Variants in SGCD observed in about 807,000 individuals in gnomAD.
The protein encoded by SGCD is delta-sarcoglycan.
A neutral mutation model predicts 36.6 loss-of-function variants in SGCD; 18 were observed. The ratio of observed to expected loss-of-function variants is 0.49; its 90% CI spans 0.34 to 0.73. The LOEUF (loss-of-function observed/expected upper bound fraction) is 0.73, where lower values mean the gene tolerates loss of function less well. SGCD is among the 30% of genes least tolerant of loss of function. The pLI is 0.01. For synonymous variants in SGCD, 133 were observed against 130.6 expected (o/e 1.02, Z -0.12); for missense variants, 387 against 346.7 (o/e 1.12, Z -0.92).
intron 3 of SGCD, among the ~76,000 whole-genome samples, chr5:156,479,987 G>A (rs752763804): frequency 2.0e-5 from 3 of 152,194 alleles, no homozygotes; most frequent in Non-Finnish European, 4.4e-5. Context: ...AGCCCCTGTG[G>A]GTGGAAGATC....
At chr5:156,254,669 C>CGA (rs1414737391) in intron 3 of SGCD, among the ~76,000 whole-genome samples, 7 of 151,902 alleles carry the variant, frequency 4.6e-5, no homozygotes, top group Non-Finnish European at 1.0e-4. Flanking sequence ...GGCAACATAG[C>CGA]GAGACTCCAT....
At chr5:156,131,747 C>T (rs1488267689) in intron 3 of SGCD, among the ~76,000 whole-genome samples, 9 of 152,246 alleles carry the variant, frequency 5.9e-5, no homozygotes, top group African/African-American at 1.7e-4. Context: ...GAAAAATTGT[C>T]ATTAAATATA....
At chr5:156,192,413 TA>T (rs1229535470) in intron 3 of SGCD, among the ~76,000 whole-genome samples, 3 of 152,070 alleles carry the variant, frequency 2.0e-5, no homozygotes, top group African/African-American at 7.2e-5. Flanking sequence ...ATGTGAGAGC[TA>T]AAAAAGTTGA....
the SGCD span, among the ~76,000 whole-genome samples, chr5:155,740,240 A>G: frequency 1.3e-5 from 2 of 152,218 alleles, no homozygotes; most frequent in African/African-American, 4.8e-5. Context: ...CTGGGACTAC[A>G]GACAGAAGCC....
intron 3 of SGCD, among the ~76,000 whole-genome samples, chr5:156,135,487 T>G (rs1450085075): frequency 1.3e-5 from 2 of 152,196 alleles, no homozygotes; most frequent in Non-Finnish European, 2.9e-5. Context: ...AGCTGTAGAA[T>G]CCTTCCAACA....
intron 1 of SGCD, among the ~76,000 whole-genome samples, chr5:155,877,283 A>G (rs1017431235): frequency 1.3e-5 from 2 of 152,244 alleles, no homozygotes; most frequent in Non-Finnish European, 2.9e-5. Flanking sequence ...CTGAATTCCC[A>G]GGCATGGTCG....
At chr5:155,752,939 T>C in the SGCD span, among the ~76,000 whole-genome samples, 1 of 152,166 alleles carries the variant, frequency 6.6e-6, no homozygotes, top group Non-Finnish European at 1.5e-5. Context: ...TAGAGTGTGG[T>C]ACTATGATTT....
intron 3 of SGCD, among the ~76,000 whole-genome samples, chr5:156,453,995 T>C (rs1184932322): frequency 6.6e-6 from 1 of 152,202 alleles, no homozygotes; most frequent in Non-Finnish European, 1.5e-5. Flanking sequence ...ATGAAGAATC[T>C]GTTGGAGTTA....
intron 3 of SGCD, among the ~76,000 whole-genome samples, chr5:156,206,005 T>TA (rs1350162813): frequency 6.9e-6 from 1 of 144,946 alleles, no homozygotes; most frequent in African/African-American, 2.5e-5. Flanking sequence ...TATATATATA[T>TA]TATATATTAT....
chr5:156,545,467 C>T (rs900867805), intron 4 of SGCD, among the ~76,000 whole-genome samples: 24 of 150,426 alleles, frequency 1.6e-4, no homozygotes, highest in East Asian at 5.9e-4. Context: ...TTTTCATGGA[C>T]GGGAGTCGGG....
At chr5:156,487,785 C>A (rs1755743882) in intron 3 of SGCD, among the ~76,000 whole-genome samples, 2 of 13,564 alleles carry the variant, frequency 1.5e-4, no homozygotes, top group Non-Finnish European at 2.8e-4. Flanking sequence ...GAGACTCTGT[C>A]ACCAAAAAAA....
chr5:155,921,151 A>G (rs1385817509), intron 1 of SGCD, among the ~76,000 whole-genome samples: 1 of 152,060 alleles, frequency 6.6e-6, no homozygotes, highest in Non-Finnish European at 1.5e-5. Context: ...AAGGAGGGAG[A>G]GCATATTAAC....
At chr5:156,608,168 C>G (rs1408184534) in intron 6 of SGCD, among the ~76,000 whole-genome samples, 5 of 152,134 alleles carry the variant, frequency 3.3e-5, no homozygotes, top group African/African-American at 1.2e-4. Flanking sequence ...CCTGCTTTCT[C>G]TTGTGGGCAT....
the SGCD span, among the ~76,000 whole-genome samples, chr5:155,730,745 T>G: frequency 6.6e-6 from 1 of 152,186 alleles, no homozygotes; most frequent in Non-Finnish European, 1.5e-5. Flanking sequence ...CTTGCCCCAG[T>G]GGCTTTCCCT....
At chr5:156,581,231 CTGCAGAACAGCAAATAT>C (rs1291845725) in intron 4 of SGCD, among the ~76,000 whole-genome samples, 3 of 152,222 alleles carry the variant, frequency 2.0e-5, no homozygotes, top group Non-Finnish European at 4.4e-5. Context: ...CCAGCGGAGG[CTGCAGAACAGCAAATAT>C]TGCAGAACAG....
chr5:156,689,373 C>T (rs985021721), intron 7 of SGCD, among the ~76,000 whole-genome samples: 20 of 151,994 alleles, frequency 1.3e-4, no homozygotes, highest in African/African-American at 4.4e-4. Context: ...ATGGAATTCC[C>T]GAAGATCTCA....
chr5:156,370,980 GA>G (rs927187850), intron 3 of SGCD, among the ~76,000 whole-genome samples: 21 of 149,256 alleles, frequency 1.4e-4, no homozygotes, highest in East Asian at 3.9e-4. Flanking sequence ...CTGGAAGGGG[GA>G]AAAAAAAACA....
rs553532108 is a variant in SGCD, at chr5:155,937,009, TG to T, written c.-282+66591del. On this transcript the variant is annotated intron_variant, in intron 1 of 9. Coordinates refer to the SGCD transcript ENST00000517913. Reference sequence around the variant, plus strand: ...TGAGATTAGAGCGAGTGCCAGGGAGTGGGGGGAGAGACCAGACAGGGGTAGC... The same window carrying T: ...TGAGATTAGAGCGAGTGCCAGGGAGTGGGGGAGAGACCAGACAGGGGTAGC... Among the ~76,000 whole-genome samples, 461 of 151,628 alleles carry T rather than the reference TG, an allele frequency of 3.0e-3. 1 individual carries two copies. Among genetic ancestry groups the T allele is most frequent in the African/African-American group, 0.011 (442 of 41,270 alleles).
intron 1 of SGCD, among the ~76,000 whole-genome samples, chr5:155,894,260 A>C (rs1218045086): frequency 6.6e-6 from 1 of 152,220 alleles, no homozygotes; most frequent in Non-Finnish European, 1.5e-5. Flanking sequence ...CAAGTAATGC[A>C]TCATGCTATA....
Sources: allele counts gnomAD v4.1 joint callset (sites outside exome capture counted in the v4.1 genomes callset), GRCh38; gene constraint gnomAD v4.1.1; transcripts MANE v1.5; gene names NCBI Gene and HGNC (gene_info 2026-07-23, HGNC 2026-07-21).